PABPC4L: variants seen among roughly 807,000 people sequenced by gnomAD.
PABPC4L encodes polyadenylate-binding protein 4-like.
For missense variants in PABPC4L, 452 were observed against 451.4 expected, an observed-to-expected ratio of 1.00 and a Z score of -0.01; for synonymous variants, 169 against 164.1, an observed-to-expected ratio of 1.03 and a Z score of -0.23.
At chr4:134,164,471 C>T in the PABPC4L span, among the ~76,000 whole-genome samples, 1 of 151,942 alleles carries the variant, frequency 6.6e-6, no homozygotes, top group Admixed American at 6.6e-5. Flanking sequence ...GGTAGCACTG[C>T]TATACATCAA....
chr4:134,030,034 C>T, the PABPC4L span, among the ~76,000 whole-genome samples: 4 of 152,028 alleles, frequency 2.6e-5, no homozygotes, highest in African/African-American at 9.7e-5. Flanking sequence ...TGTTAGCTTC[C>T]CCTTCTGCCA....
At chr4:134,082,862 T>G in the PABPC4L span, among the ~76,000 whole-genome samples, 1 of 152,190 alleles carries the variant, frequency 6.6e-6, no homozygotes, top group Non-Finnish European at 1.5e-5. Flanking sequence ...TTGTCTTTGT[T>G]ACGGCAACAT....
At chr4:134,029,532 G>A in the PABPC4L span, among the ~76,000 whole-genome samples, 4 of 152,050 alleles carry the variant, frequency 2.6e-5, no homozygotes, top group African/African-American at 7.2e-5. Flanking sequence ...AGTAATAATA[G>A]GTTTGATTAG....
chr4:134,049,604 T>C, the PABPC4L span, among the ~76,000 whole-genome samples: 3 of 152,142 alleles, frequency 2.0e-5, no homozygotes, highest in African/African-American at 4.8e-5. Context: ...CAATTCATCA[T>C]GTAACTGTTG....
the PABPC4L span, among the ~76,000 whole-genome samples, chr4:134,109,090 A>G: frequency 6.6e-6 from 1 of 151,980 alleles, no homozygotes; most frequent in Non-Finnish European, 1.5e-5. Flanking sequence ...AAAGATGTAT[A>G]TTAGTTGATT....
At chr4:134,090,062 C>A in the PABPC4L span, among the ~76,000 whole-genome samples, 1 of 152,062 alleles carries the variant, frequency 6.6e-6, no homozygotes, top group Middle Eastern at 3.4e-3. Flanking sequence ...AGGATTACTC[C>A]GTTCTCAGGT....
At chr4:133,958,129 G>C in the PABPC4L span, among the ~76,000 whole-genome samples, 129 of 152,218 alleles carry the variant, frequency 8.5e-4, 1 homozygote, top group African/African-American at 2.9e-3. Context: ...GCATCAACAG[G>C]CTGCAGATTT....
At chr4:134,100,385 T>G in the PABPC4L span, among the ~76,000 whole-genome samples, 5 of 151,640 alleles carry the variant, frequency 3.3e-5, no homozygotes, top group African/African-American at 4.8e-5. Context: ...ACACATTACT[T>G]GCTTTATATA....
At chr4:134,163,316 A>G in the PABPC4L span, among the ~76,000 whole-genome samples, 1 of 152,170 alleles carries the variant, frequency 6.6e-6, no homozygotes, top group Admixed American at 6.5e-5. Flanking sequence ...TGGAAGAAAC[A>G]GAAATCCTGA....
the PABPC4L span, among the ~76,000 whole-genome samples, chr4:134,174,058 T>TA: frequency 1.4e-4 from 21 of 152,210 alleles, 1 homozygote; most frequent in South Asian, 4.3e-3. Flanking sequence ...TCTTTCTTTT[T>TA]AAAAACATTT....
chr4:134,022,578 T>C, the PABPC4L span, among the ~76,000 whole-genome samples: 1 of 152,100 alleles, frequency 6.6e-6, no homozygotes, highest in Admixed American at 6.6e-5. Context: ...TTAGTTTTTT[T>C]TTTATTTCCT....
chr4:134,192,028 G>T (rs1433664350), downstream of PABPC4L, among the ~76,000 whole-genome samples: 2 of 151,822 alleles, frequency 1.3e-5, no homozygotes, highest in Non-Finnish European at 1.5e-5. Flanking sequence ...TAATATAACC[G>T]AGAGAACTGA....
the PABPC4L span, among the ~76,000 whole-genome samples, chr4:133,956,012 C>T: frequency 6.6e-6 from 1 of 151,956 alleles, no homozygotes; most frequent in African/African-American, 2.4e-5. Context: ...TAATTTGCAT[C>T]TTTATCTACT....
At chr4:134,111,219 C>G in the PABPC4L span, among the ~76,000 whole-genome samples, 697 of 152,088 alleles carry the variant, frequency 4.6e-3, 9 homozygotes, top group African/African-American at 0.016. Flanking sequence ...ACTCCCTTCA[C>G]TAAGTCTTCT....
chr4:134,142,477 C>T, the PABPC4L span, among the ~76,000 whole-genome samples: 6 of 151,630 alleles, frequency 4.0e-5, no homozygotes, highest in Non-Finnish European at 8.9e-5. Flanking sequence ...GTATCCGATG[C>T]CTTTAGGATT....
chr4:134,123,035 T>C, the PABPC4L span, among the ~76,000 whole-genome samples: 1 of 152,040 alleles, frequency 6.6e-6, no homozygotes, highest in Admixed American at 6.6e-5. Context: ...AATTAAACTA[T>C]ACAAAGCATT....
the PABPC4L span, among the ~76,000 whole-genome samples, chr4:134,052,242 T>G: frequency 6.6e-6 from 1 of 152,082 alleles, no homozygotes; most frequent in East Asian, 1.9e-4. Flanking sequence ...ATGTACAAGT[T>G]GTAATGACAT....
the PABPC4L span, among the ~76,000 whole-genome samples, chr4:134,072,478 T>C: frequency 1.3e-5 from 2 of 152,210 alleles, no homozygotes; most frequent in African/African-American, 2.4e-5. Flanking sequence ...AATTTTGTTT[T>C]ACTTCTTTAG....
At chr4:134,135,131 C>T in the PABPC4L span, among the ~76,000 whole-genome samples, 1 of 152,008 alleles carries the variant, frequency 6.6e-6, no homozygotes, top group South Asian at 2.1e-4. Flanking sequence ...ATAAGACACG[C>T]TAATTAATAA....
Sources: gnomAD v4.1 joint callset for allele counts (sites outside exome capture counted in the v4.1 genomes callset) on GRCh38, gnomAD v4.1.1 for gene constraint, MANE v1.5 for transcripts, NCBI Gene and HGNC (gene_info 2026-07-23, HGNC 2026-07-21) for gene names.